Variants in ZFP64 observed in about 807,000 individuals in gnomAD.
ZFP64 encodes zinc finger protein 64.
In ZFP64, 14 loss-of-function variants were observed where a neutral mutation model predicts 51.6. The observed-to-expected ratio is 0.27, with a 90% CI of 0.18 to 0.42. The LOEUF is 0.42. Among genes scored for constraint, ZFP64 ranks in the 10% least tolerant of loss-of-function variants. The pLI is 1.00. For synonymous variants in ZFP64, 375 were observed against 361.4 expected (o/e 1.04, Z -0.43); for missense variants, 754 against 906.8 (o/e 0.83, Z 2.16).
intron 5 of ZFP64, among the ~76,000 whole-genome samples, chr20:52,112,094 A>AC (rs1978621018): frequency 1.4e-5 from 2 of 138,372 alleles, no homozygotes; most frequent in East Asian, 3.9e-4. Context: ...AAAAAAAAAA[A>AC]AAAAAACAAA....
At chr20:52,154,179 C>T (rs746849630) in intron 5 of ZFP64, among the ~76,000 whole-genome samples, 5 of 152,066 alleles carry the variant, frequency 3.3e-5, no homozygotes, top group African/African-American at 9.7e-5. Flanking sequence ...AGCAAATTGG[C>T]GACCCCTCAT....
intron 5 of ZFP64, among the ~76,000 whole-genome samples, chr20:52,154,427 G>T (rs959639638): frequency 6.6e-6 from 1 of 152,126 alleles, no homozygotes; most frequent in Non-Finnish European, 1.5e-5. Context: ...GAAGGGCTTG[G>T]ATTCCAATCC....
rs912692902 is a variant in ZFP64, at chr20:52,152,140, T to C, written c.*6A>G. The stretch of plus-strand genomic sequence containing the variant: ...CTTTCCCCCACTCCTTTTGTTTTTT[T>C]AAGCACTAATCTGGAATGGAGTCGG... On this transcript the variant is annotated 3_prime_UTR_variant, in exon 6 of 6. Transcript: ENST00000216923. 13 of 1,581,358 alleles carry C rather than the reference T, an allele frequency of 8.2e-6. No individual in the cohort carries two copies. Among genetic ancestry groups the C allele is most frequent in the Non-Finnish European group, 1.1e-5 (13 of 1,152,234 alleles).
chr20:52,137,895 G>A (rs970954650), intron 5 of ZFP64, among the ~76,000 whole-genome samples: 2 of 152,054 alleles, frequency 1.3e-5, no homozygotes, highest in Non-Finnish European at 2.9e-5. Context: ...TGGAAAGCAG[G>A]CCCGGTGCAC....
chr20:52,170,679 T>C (rs1444471026), intron 2 of ZFP64, among the ~76,000 whole-genome samples: 1 of 152,152 alleles, frequency 6.6e-6, no homozygotes, highest in Non-Finnish European at 1.5e-5. Context: ...AGGGCTGCTG[T>C]GAGGATCAGA....
chr20:52,148,230 A>C (rs1479987738), downstream of ZFP64, among the ~76,000 whole-genome samples: 1 of 152,226 alleles, frequency 6.6e-6, no homozygotes, highest in Non-Finnish European at 1.5e-5. Flanking sequence ...CAAATATGTC[A>C]TGTTGGCCAG....
chr20:52,134,686 TAAC>T (rs951635118), intron 5 of ZFP64, among the ~76,000 whole-genome samples: 51 of 152,262 alleles, frequency 3.3e-4, no homozygotes, highest in African/African-American at 1.2e-3. Flanking sequence ...CACATGCCGA[TAAC>T]AACAACAACA....
chr20:52,099,301 T>C (rs891413201), intron 5 of ZFP64, among the ~76,000 whole-genome samples: 1 of 133,766 alleles, frequency 7.5e-6, no homozygotes, highest in African/African-American at 2.9e-5. Context: ...AAAAGCTGGA[T>C]GCCATGGCAA....
chr20:52,185,349 T>C (rs919861252), intron 2 of ZFP64, among the ~76,000 whole-genome samples: 19 of 152,148 alleles, frequency 1.2e-4, no homozygotes, highest in African/African-American at 4.3e-4. Context: ...ATAGAATGAA[T>C]ACCTAGCTGT....
chr20:52,111,078 G>A lies in ZFP64; in HGVS notation c.764-12491C>T, dbSNP rs530791168. The A allele has an allele frequency of 1.5e-4, 161 of 1,104,272 alleles. 4 individuals carry two copies. The South Asian group carries it at 2.0e-3, about 13-fold the overall frequency. The allele number at this position is 1,104,272 out of a possible 1,614,324, so 68.4% of individuals were successfully genotyped here. A position where few individuals can be genotyped will look rare whatever the true frequency, so the allele number is the denominator to read the frequency against. On this transcript the variant is annotated intron_variant, in intron 5 of 8. Coordinates refer to the ZFP64 transcript ENST00000361387. Reference sequence around the variant, plus strand: ...GAGCGGAGAGGAGCAGGAAGCCCAGGAGAAGGGGAAGCGGCAGGGAGAGAG... The same window carrying A: ...GAGCGGAGAGGAGCAGGAAGCCCAGAAGAAGGGGAAGCGGCAGGGAGAGAG...
At chr20:52,096,631 G>A (rs2078991499) in intron 7 of ZFP64, among the ~76,000 whole-genome samples, 1 of 152,230 alleles carries the variant, frequency 6.6e-6, no homozygotes, top group Non-Finnish European at 1.5e-5. Context: ...GCTCATGCCT[G>A]TAATTCCAGC....
chr20:52,187,065 C>T lies in ZFP64; in HGVS notation c.53G>A (p.Gly18Asp), dbSNP rs865812030. ...CAGCTCCACCAGCACCGTTGTGCCA[C>T]CTGGAACTCCATGGGACAAAGGGAA... ...ESFAGSVQIPGGTTVLVELTP... is the reference protein window; with the variant it reads ...ESFAGSVQIPDGTTVLVELTP... Residue 18 changes from glycine to aspartate, a missense_variant, in exon 2 of 6, where the codon GGT (glycine) becomes GAT (aspartate). Physicochemically the swap from Gly to Asp is moderately conservative, Grantham distance 94. Transcript: ENST00000216923. 6.2e-7 allele frequency: 1 copy of T among 1,605,344 alleles called. No individual in the cohort carries two copies. The highest frequency in any genetic ancestry group is 1.3e-5 in the African/African-American group (1 of 74,798).
Position 52,089,093 on chromosome 20 carries a change from G to A in ZFP64, c.977-450C>T, listed in dbSNP as rs77970323. 1,652 of 512,886 alleles carry A rather than the reference G, an allele frequency of 3.2e-3. 24 individuals carry two copies. The highest frequency in any genetic ancestry group is 0.029 in the African/African-American group (1,523 of 51,806). The allele number at this position is 512,886 out of a possible 1,614,324, so 31.8% of individuals were successfully genotyped here. On this transcript the variant is annotated intron_variant, in intron 7 of 8. Coordinates refer to the ZFP64 transcript ENST00000361387. ...CTGAGGTCAGAAAAAGAATACAAGG[G>A]CCTGGTAAGTTAGAGATGCCAGGGA...
At chr20:52,149,875 C>T (rs144246283), downstream of ZFP64, among the ~76,000 whole-genome samples, 140 of 152,170 alleles carry the variant, frequency 9.2e-4, 1 homozygote, top group Non-Finnish European at 1.2e-3. Context: ...ACTACAACTT[C>T]ATAACTGGAG....
intron 5 of ZFP64, among the ~76,000 whole-genome samples, chr20:52,154,154 G>A (rs1160866662): frequency 1.3e-5 from 2 of 152,122 alleles, no homozygotes; most frequent in African/African-American, 4.8e-5. Flanking sequence ...AATTATCTGA[G>A]GCAATGACAA....
chr20:52,117,961 T>C (rs747621338), intron 5 of ZFP64, among the ~76,000 whole-genome samples: 1 of 151,708 alleles, frequency 6.6e-6, no homozygotes, highest in South Asian at 2.1e-4. Context: ...GCACCCAGCA[T>C]ATTTTTTTTT....
At chr20:52,114,576 C>A (rs1321121573) in intron 5 of ZFP64, among the ~76,000 whole-genome samples, 4 of 152,098 alleles carry the variant, frequency 2.6e-5, no homozygotes, top group East Asian at 3.8e-4. Flanking sequence ...CCTATCAGAT[C>A]AATAAAAATT....
chr20:52,104,978 G>A, intron 5 of ZFP64: 1 of 861,310 alleles, frequency 1.2e-6, no homozygotes, highest in Non-Finnish European at 1.7e-6. Context: ...AAGGCGGGGG[G>A]CGGGGACGCC....
At chr20:52,177,267 A>C (rs1182901015) in intron 2 of ZFP64, among the ~76,000 whole-genome samples, 1 of 152,174 alleles carries the variant, frequency 6.6e-6, no homozygotes, top group Non-Finnish European at 1.5e-5. Flanking sequence ...TTTTTTGCAC[A>C]GCAGCATTTG....
Sources: allele counts gnomAD v4.1 joint callset (sites outside exome capture counted in the v4.1 genomes callset), GRCh38; gene constraint gnomAD v4.1.1; transcripts MANE v1.5; gene names NCBI Gene and HGNC (gene_info 2026-07-23, HGNC 2026-07-21).